The following CELF2 variants were observed in gnomAD, a reference collection of about 807,000 sequenced individuals.
CELF2 encodes CUGBP Elav-like family member 2, also known as CUG triplet repeat RNA-binding protein 2.
A neutral mutation model predicts 62.6 loss-of-function variants in CELF2; 8 were observed. The ratio of observed to expected loss-of-function variants is 0.13; its 90% CI spans 0.07 to 0.23. The LOEUF is 0.23. Ranked by LOEUF, CELF2 falls within the 10% of genes least tolerant of loss-of-function variation. The pLI is 1.00. For synonymous variants in CELF2, 258 were observed against 250.0 expected, an observed-to-expected ratio of 1.03 and a Z score of -0.30; for missense variants, 333 against 671.0, an observed-to-expected ratio of 0.50 and a Z score of 5.56.
chr10:10,669,195 T>C, the CELF2 span, among the ~76,000 whole-genome samples: 1 of 152,238 alleles, frequency 6.6e-6, no homozygotes, highest in South Asian at 2.1e-4. Flanking sequence ...TTGACTGTTC[T>C]TCTCTGAACT....
At chr10:10,506,016 G>T in the CELF2 span, among the ~76,000 whole-genome samples, 1 of 152,108 alleles carries the variant, frequency 6.6e-6, no homozygotes, top group East Asian at 1.9e-4. Context: ...GTTGTATATA[G>T]ACAAAGGAAT....
the CELF2 span, among the ~76,000 whole-genome samples, chr10:10,499,595 C>CCTGG: frequency 6.6e-6 from 1 of 152,172 alleles, no homozygotes; most frequent in African/African-American, 2.4e-5. Flanking sequence ...AATAAGAACT[C>CCTGG]CTGGCTGGGC....
chr10:10,830,213 T>C (rs2057731260), intron 1 of CELF2, among the ~76,000 whole-genome samples: 1 of 150,090 alleles, frequency 6.7e-6, no homozygotes, highest in Non-Finnish European at 1.5e-5. Flanking sequence ...AGCAATTGTT[T>C]AGGCTGTGAA....
At chr10:11,083,503 A>G (rs926451030) in intron 1 of CELF2, among the ~76,000 whole-genome samples, 3 of 152,212 alleles carry the variant, frequency 2.0e-5, no homozygotes, top group Non-Finnish European at 2.9e-5. Context: ...CCAGCCTATC[A>G]AGGATGGAAA....
chr10:10,501,403 C>T, the CELF2 span, among the ~76,000 whole-genome samples: 3 of 152,034 alleles, frequency 2.0e-5, no homozygotes, highest in African/African-American at 4.8e-5. Flanking sequence ...TCCGCGTATC[C>T]TCTTTCATTA....
intron 10 of CELF2, chr10:11,317,677 A>G (rs1170937828): frequency 6.6e-6 from 1 of 152,324 alleles, no homozygotes; most frequent in African/African-American, 2.4e-5. Flanking sequence ...TCCCCCAACA[A>G]AAGACATTCA....
At chr10:10,515,790 T>C in the CELF2 span, among the ~76,000 whole-genome samples, 1 of 152,236 alleles carries the variant, frequency 6.6e-6, no homozygotes, top group Admixed American at 6.5e-5. Context: ...ACCAGTTTCC[T>C]TCTCTGAAAA....
chr10:11,243,810 A>T lies in CELF2; in HGVS notation c.355-5343A>T, dbSNP rs2653525. Among the ~76,000 whole-genome samples, 16,111 of 152,204 alleles carry T rather than the reference A, an allele frequency of 0.11. 1,314 individuals are homozygous for T. The highest frequency in any genetic ancestry group is 0.23 in the African/African-American group (9,343 of 41,496). ...ACTCACTCCTGAATTAAAACTTCCC[A>T]TTCTGTGTGGCTGGAGATGCAGCCT... On this transcript the variant is annotated intron_variant, in intron 3 of 12. Coordinates refer to ENST00000633077, the MANE Select transcript of CELF2 (RefSeq NM_001326342.2). This position sits in a 1 kb window ranked among gnomAD's most constrained non-coding sequence, Gnocchi z 4.1.
In CELF2 at chr10:11,247,447, T is replaced by C. The variant is rs2075941333; in HGVS notation, c.355-1706T>C. Among the ~76,000 whole-genome samples, 2 of 152,180 alleles carry C rather than the reference T, an allele frequency of 1.3e-5. No individual in the cohort carries two copies. Among genetic ancestry groups the C allele is most frequent in the Admixed American group, 1.3e-4 (2 of 15,286 alleles). On this transcript the variant is annotated intron_variant, in intron 3 of 12. Coordinates refer to ENST00000633077, the MANE Select transcript of CELF2 (RefSeq NM_001326342.2). The surrounding 1 kb of genome is among the most constrained non-coding windows in gnomAD (Gnocchi z 5.4). Reference sequence around the variant, plus strand: ...ACTCGGCCCAGATGCAGCCTTGGCTTTCCTCGCCAGGCAGGATTAAGTCCC... The same window carrying C: ...ACTCGGCCCAGATGCAGCCTTGGCTCTCCTCGCCAGGCAGGATTAAGTCCC...
the CELF2 span, among the ~76,000 whole-genome samples, chr10:10,599,583 C>G: frequency 4.9e-4 from 75 of 152,040 alleles, no homozygotes; most frequent in Non-Finnish European, 1.0e-3. Context: ...AGCTGATGAG[C>G]CTACAAAGGA....
intron 2 of CELF2, among the ~76,000 whole-genome samples, chr10:11,172,160 G>A (rs907002825): frequency 1.3e-5 from 2 of 152,184 alleles, no homozygotes; most frequent in African/African-American, 2.4e-5. Context: ...TTCTGGGACA[G>A]CCCCAGTTTT....
At chr10:11,172,509 C>G (rs1250218598) in intron 2 of CELF2, among the ~76,000 whole-genome samples, 2 of 152,182 alleles carry the variant, frequency 1.3e-5, no homozygotes, top group Non-Finnish European at 2.9e-5. Context: ...AAATAAGCCT[C>G]CTTTAAGTTA....
At position 11,018,207 on chromosome 10, in the gene CELF2, C is replaced by T. The variant is rs766878837; in HGVS notation, c.74+44C>T. 7.5e-6 allele frequency: 11 copies of T among 1,474,996 alleles called. No individual in the cohort carries two copies. In the South Asian group the frequency reaches 1.4e-4, roughly 18 times the overall value. The allele number at this position is 1,474,996 out of a possible 1,614,324, so 91.4% of individuals were successfully genotyped here. On this transcript the variant is annotated intron_variant, in intron 1 of 12. Transcript: ENST00000633077. ...CGAGGCCGGGCGAGCGGGCGTCCTC[C>T]TCCCAGAGTCGGCGGCGCGAAGGGG... is the stretch of plus-strand genomic sequence containing the variant.
the CELF2 span, among the ~76,000 whole-genome samples, chr10:10,624,619 G>T: frequency 5.3e-5 from 8 of 152,116 alleles, no homozygotes; most frequent in African/African-American, 1.7e-4. Context: ...CATGTTTTCC[G>T]CACAGAAACC....
chr10:10,831,461 C>T (rs1355817156), intron 1 of CELF2, among the ~76,000 whole-genome samples: 4 of 152,224 alleles, frequency 2.6e-5, no homozygotes, highest in Admixed American at 2.6e-4. Flanking sequence ...AATAAATCCT[C>T]AAGGAACGTG....
At chr10:10,515,751 T>C in the CELF2 span, among the ~76,000 whole-genome samples, 2 of 152,202 alleles carry the variant, frequency 1.3e-5, no homozygotes, top group African/African-American at 4.8e-5. Flanking sequence ...CGCCATTTAG[T>C]AGGCATGCGA....
At chr10:11,054,834 C>T (rs1280712791) in intron 1 of CELF2, among the ~76,000 whole-genome samples, 7 of 152,170 alleles carry the variant, frequency 4.6e-5, no homozygotes, top group Non-Finnish European at 1.0e-4. Context: ...CCTGCCTCAG[C>T]CTCCTGAGTA....
the CELF2 span, among the ~76,000 whole-genome samples, chr10:10,768,661 C>A: frequency 1.3e-5 from 2 of 151,566 alleles, no homozygotes; most frequent in South Asian, 4.2e-4. Flanking sequence ...GCAACTTCTG[C>A]CTGCTGGGTT....
intron 1 of CELF2, among the ~76,000 whole-genome samples, chr10:11,154,651 T>C (rs569840948): frequency 4.0e-4 from 61 of 152,374 alleles, no homozygotes; most frequent in African/African-American, 1.4e-3. Flanking sequence ...GTAGGAAATG[T>C]ACACTTGTCC....
Sources: allele counts gnomAD v4.1 joint callset (sites outside exome capture counted in the v4.1 genomes callset), GRCh38; gene constraint gnomAD v4.1.1; non-coding constraint Gnocchi (gnomAD v3.1); transcripts MANE v1.5; gene names NCBI Gene and HGNC (gene_info 2026-07-23, HGNC 2026-07-21).